The following TMEM61 variants were observed in gnomAD, a reference collection of about 807,000 sequenced individuals.
TMEM61 encodes the protein transmembrane protein 61.
Under a neutral mutation model 12.0 loss-of-function variants are expected in TMEM61, and 13 were observed. The ratio of observed to expected loss-of-function variants is 1.08; its 90% confidence interval spans 0.70 to 1.72. The LOEUF (loss-of-function observed/expected upper bound fraction) is 1.72. Ranked by LOEUF, TMEM61 falls within the 40% of genes most tolerant of loss-of-function variation. The pLI, the probability that TMEM61 is intolerant of heterozygous loss-of-function variation, is 0.00. For missense variants in TMEM61, 249 were observed against 276.9 expected (o/e 0.90, Z 0.71); for synonymous variants, 109 against 121.4 (o/e 0.90, Z 0.67).
At chr1:54,987,091 A>T (rs1419962701) in intron 2 of TMEM61, among the ~76,000 whole-genome samples, 2 of 152,198 alleles carry the variant, frequency 1.3e-5, no homozygotes, top group Non-Finnish European at 2.9e-5. Context: ...TCAGCCAAGG[A>T]CATCAGATAG....
chr1:54,988,943 G>C (rs1023174086), intron 2 of TMEM61, among the ~76,000 whole-genome samples: 1 of 152,216 alleles, frequency 6.6e-6, no homozygotes, highest in Admixed American at 6.5e-5. Flanking sequence ...CTCTGAGGCT[G>C]TGTCTGACAC....
intron 2 of TMEM61, among the ~76,000 whole-genome samples, chr1:54,989,742 T>A (rs1382813823): frequency 6.6e-6 from 1 of 152,184 alleles, no homozygotes; most frequent in Non-Finnish European, 1.5e-5. Context: ...GCAAACTTCC[T>A]GCTGTGGGCA....
In TMEM61 at chr1:54,986,429, A is replaced by G; in HGVS notation, c.348A>G (p.Ser116=). Residue 116 remains serine (S), a synonymous_variant, in exon 2 of 3, where the codon TCA becomes TCG. Transcript: ENST00000371268. The part of the protein sequence containing the change: ...RDLYYLTVES[S]EKESCRTPKV... The stretch of plus-strand genomic sequence containing the variant: ...TGTACTACCTCACTGTGGAGTCCTC[A>G]GAGAAGGAGAGCTGCAGGTCAGCAG... 6.4e-7 allele frequency: 1 copy of G among 1,565,850 alleles called. No individual in the cohort carries two copies. Among genetic ancestry groups the G allele is most frequent in the East Asian group, 2.3e-5 (1 of 43,714 alleles).
intron 2 of TMEM61, among the ~76,000 whole-genome samples, chr1:54,989,533 G>GC (rs930926059): frequency 6.6e-6 from 1 of 152,226 alleles, no homozygotes; most frequent in African/African-American, 2.4e-5. Context: ...GACCACTGTG[G>GC]CAGGACTGCC....
Position 54,981,028 on chromosome 1 carries a change from C to T in TMEM61, c.-38C>T. On this transcript the variant is annotated 5_prime_UTR_variant, in exon 1 of 3. Transcript: ENST00000371268. ...ACCACACCTTCACCTGCGCCCGGCT[C>T]CCTGCGCGCCTGGACAGCGCCTGCT... The T allele has an allele frequency of 1.3e-6, 2 of 1,553,826 alleles. No homozygotes were observed. The highest frequency in any genetic ancestry group is 1.7e-6 in the Non-Finnish European group (2 of 1,148,130).
intron 2 of TMEM61, among the ~76,000 whole-genome samples, chr1:54,990,943 C>T (rs187536370): frequency 6.6e-4 from 101 of 152,346 alleles, no homozygotes; most frequent in African/African-American, 2.4e-3. Flanking sequence ...TGCCCAGACT[C>T]ATAACCACCC....
At chr1:54,983,310 C>T (rs141415496) in intron 1 of TMEM61, among the ~76,000 whole-genome samples, 1,669 of 151,690 alleles carry the variant, frequency 0.011, 17 homozygotes, top group African/African-American at 0.037. Context: ...CTAGTAGAGA[C>T]GGGGGTTTCA....
intron 2 of TMEM61, among the ~76,000 whole-genome samples, chr1:54,990,952 C>T (rs1039729929): frequency 6.6e-6 from 1 of 152,150 alleles, no homozygotes; most frequent in African/African-American, 2.4e-5. Context: ...TCATAACCAC[C>T]CTCAGTGTTG....
At chr1:54,991,769 C>G in intron 2 of TMEM61, 67 bp from the exon 3 acceptor site, 2 of 1,547,932 alleles carry the variant, frequency 1.3e-6, no homozygotes, top group Non-Finnish European at 1.8e-6. Flanking sequence ...GCCTTCCTCA[C>G]TGTCTCTCTG....
Position 54,986,219 on chromosome 1 carries a change from G to C in TMEM61, c.138G>C (p.Gln46His). 3.7e-6 allele frequency: 6 copies of C among 1,613,830 alleles called. No homozygotes were observed. Among genetic ancestry groups the C allele is most frequent in the Non-Finnish European group, 5.1e-6 (6 of 1,180,010 alleles). The change falls in exon 2 of 3, where the codon CAG (glutamine) becomes CAC (histidine). Residue 46 changes from glutamine (Q) to histidine (H), a missense_variant. Physicochemically the swap from Gln to His is conservative, Grantham distance 24. Transcript: ENST00000371268. ...AWWSEGDATA[Q>H]PGQLAPPTEY... ...GGAGCGAAGGGGATGCAACCGCCCA[G>C]CCTGGCCAGCTGGCCCCACCCACGG...
At chr1:54,990,209 G>T (rs1468407102) in intron 2 of TMEM61, among the ~76,000 whole-genome samples, 1 of 152,044 alleles carries the variant, frequency 6.6e-6, no homozygotes, top group Non-Finnish European at 1.5e-5. Flanking sequence ...GAGTTCACAG[G>T]AGCACTGGAC....
intron 1 of TMEM61, among the ~76,000 whole-genome samples, chr1:54,984,655 T>C (rs1644246446): frequency 1.3e-5 from 2 of 152,230 alleles, no homozygotes; most frequent in African/African-American, 4.8e-5. Flanking sequence ...AAGGCCAGCA[T>C]GGACCCTGCC....
intron 1 of TMEM61, among the ~76,000 whole-genome samples, chr1:54,984,408 A>G (rs1644244905): frequency 6.6e-6 from 1 of 152,130 alleles, no homozygotes; most frequent in Admixed American, 6.5e-5. Context: ...GGGGCAGGTG[A>G]GAGGCTTATC....
chr1:54,987,011 C>T (rs1644265826), intron 2 of TMEM61, among the ~76,000 whole-genome samples: 6 of 152,190 alleles, frequency 3.9e-5, no homozygotes, highest in Admixed American at 3.9e-4. Flanking sequence ...TACAGCAGCC[C>T]TCTGAAGTAG....
At chr1:54,983,944 CA>C (rs1224510343) in intron 1 of TMEM61, among the ~76,000 whole-genome samples, 1 of 152,042 alleles carries the variant, frequency 6.6e-6, no homozygotes, top group African/African-American at 2.4e-5. Context: ...AGGTAATTTA[CA>C]AATGGAATTT....
chr1:54,988,337 C>A (rs372539428), intron 2 of TMEM61, among the ~76,000 whole-genome samples: 2 of 152,262 alleles, frequency 1.3e-5, no homozygotes, highest in African/African-American at 4.8e-5. Flanking sequence ...GCAGGTGGGG[C>A]CCCTTGGCCT....
At position 54,986,227 on chromosome 1, in the gene TMEM61, A is replaced by C; in HGVS notation, c.146A>C (p.Gln49Pro). ...SEGDATAQPGQLAPPTEYPVP... is the reference protein window; with the variant it reads ...SEGDATAQPGPLAPPTEYPVP... ...GGGGATGCAACCGCCCAGCCTGGCCAGCTGGCCCCACCCACGGAGTATCCG... is the reference window on the plus strand; with the variant it reads ...GGGGATGCAACCGCCCAGCCTGGCCCGCTGGCCCCACCCACGGAGTATCCG... The change falls in exon 2 of 3, where the codon CAG (glutamine) becomes CCG (proline). Residue 49 changes from glutamine (Q) to proline (P), a missense_variant. Transcript: ENST00000371268. The C allele has an allele frequency of 1.2e-6, 2 of 1,613,848 alleles. No homozygotes were observed. The highest frequency in any genetic ancestry group is 1.7e-6 in the Non-Finnish European group (2 of 1,179,992).
chr1:54,986,114 C>CT lies in TMEM61; in HGVS notation c.35dup (p.Leu12PhefsTer49), dbSNP rs1345131351. 6.3e-7 allele frequency: 1 copy of CT among 1,591,520 alleles called. No homozygotes were observed. The highest frequency in any genetic ancestry group is 1.7e-5 in the Admixed American group (1 of 59,146). On this transcript the variant is annotated frameshift_variant, in exon 2 of 3. Coordinates refer to ENST00000371268, the MANE Select transcript of TMEM61 (RefSeq NM_182532.3). LOFTEE classifies it high-confidence loss of function. ...GTGTCCAGATGTGTGACGGGAGCCA[C>CT]TTGGCCTCCACCCTCCGCTATTGCA...
At chr1:54,991,788 C>G in intron 2 of TMEM61, 48 bp from the exon 3 acceptor site, 1 of 1,585,354 alleles carries the variant, frequency 6.3e-7, no homozygotes, top group East Asian at 2.2e-5. Flanking sequence ...TGGCAGGCAG[C>G]AGGGTCTGCC....
Sources: allele counts gnomAD v4.1 joint callset (sites outside exome capture counted in the v4.1 genomes callset), GRCh38; gene constraint gnomAD v4.1.1; transcripts MANE v1.5; gene names NCBI Gene and HGNC (gene_info 2026-07-23, HGNC 2026-07-21).